NDST1: variants seen among roughly 807,000 people sequenced by gnomAD.
NDST1 encodes the protein N-deacetylase and N-sulfotransferase 1.
In NDST1, 35 loss-of-function variants were observed where a neutral mutation model predicts 92.8. The ratio of observed to expected loss-of-function variants is 0.38; its 90% confidence interval spans 0.29 to 0.50. The LOEUF is 0.50. Ranked by LOEUF, NDST1 falls within the 20% of genes least tolerant of loss-of-function variation. The pLI is 0.94. For missense variants in NDST1, 822 were observed against 1,182.7 expected (o/e 0.69, Z 4.47); for synonymous variants, 493 against 500.3 (o/e 0.99, Z 0.19).
chr5:150,541,918 T>C (rs1755265705), intron 9 of NDST1, among the ~76,000 whole-genome samples: 2 of 151,868 alleles, frequency 1.3e-5, no homozygotes, highest in African/African-American at 4.8e-5. Context: ...ATCCTGGGAG[T>C]CTCCAAGTCC....
intron 3 of NDST1, among the ~76,000 whole-genome samples, chr5:150,529,257 G>A (rs970174601): frequency 6.6e-6 from 1 of 151,806 alleles, no homozygotes; most frequent in Non-Finnish European, 1.5e-5. Flanking sequence ...TGGGTGTGGT[G>A]GTAGTAGTCC....
chr5:150,506,527 AC>A (rs1465699855), upstream of NDST1, among the ~76,000 whole-genome samples: 2 of 151,952 alleles, frequency 1.3e-5, no homozygotes, highest in Non-Finnish European at 2.9e-5. Context: ...ACTGTTCTGG[AC>A]CCCTGCGAGG....
chr5:150,521,471 G>T lies in NDST1; in HGVS notation c.217G>T (p.Val73Leu), dbSNP rs1222065550. ...CAGTCGCCTGCTGCCACTCAAGCCT[G>T]TGCAGGCAGCCACCCCTTCCCGCAC... ...APSRLLPLKPVQAATPSRTDP... is the reference protein window; with the variant it reads ...APSRLLPLKPLQAATPSRTDP... Residue 73 changes from valine (V) to leucine (L), a missense_variant, in exon 2 of 15, where the codon GTG becomes TTG. Transcript: ENST00000261797. This position sits in a 1 kb window ranked among gnomAD's most constrained non-coding sequence, Gnocchi z 5.9. 6.2e-7 allele frequency: 1 copy of T among 1,613,930 alleles called. No individual in the cohort carries two copies. The highest frequency in any genetic ancestry group is 8.5e-7 in the Non-Finnish European group (1 of 1,180,008).
Position 150,542,859 on chromosome 5 carries a change from C to T in NDST1, c.1858C>T (p.Leu620Phe), listed in dbSNP as rs1262198889. 1.9e-6 allele frequency: 3 copies of T among 1,614,160 alleles called. No individual in the cohort carries two copies. The highest frequency in any genetic ancestry group is 2.5e-6 in the Non-Finnish European group (3 of 1,179,988). The stretch of plus-strand genomic sequence containing the variant: ...TACCCTCCCCACAGGCACCACTGCC[C>T]TCTACCTGTTCCTGGGCATGCACCC... The part of the protein sequence containing the change: ...IGPQKTGTTA[L>F]YLFLGMHPDL... The change falls in exon 10 of 15, where the codon CTC (leucine) becomes TTC (phenylalanine). Residue 620 changes from leucine to phenylalanine, a missense_variant. Physicochemically the swap from Leu to Phe is conservative, Grantham distance 22. Coordinates refer to ENST00000261797, the MANE Select transcript of NDST1 (RefSeq NM_001543.5).
At chr5:150,507,628 C>G (rs899754121), upstream of NDST1, 1 of 152,512 alleles carries the variant, frequency 6.6e-6, no homozygotes, top group East Asian at 1.9e-4. Flanking sequence ...GGCCAGGGGC[C>G]AAAAGCCAGC....
In NDST1 at chr5:150,521,232, T is replaced by C. The variant is rs771943958; in HGVS notation, c.-23T>C. Reference sequence around the variant, plus strand: ...TAGCCAGGGCAGGCCGGGCCTCCGGTGGCCAAGGTCTCGGAGGCCAGGATG... The same window carrying C: ...TAGCCAGGGCAGGCCGGGCCTCCGGCGGCCAAGGTCTCGGAGGCCAGGATG... On this transcript the variant is annotated 5_prime_UTR_variant, in exon 2 of 15. Coordinates refer to ENST00000261797, the MANE Select transcript of NDST1 (RefSeq NM_001543.5). The surrounding 1 kb of genome is among the most constrained non-coding windows in gnomAD (Gnocchi z 5.9). 2 of 1,596,460 alleles carry C rather than the reference T, an allele frequency of 1.3e-6. No individual in the cohort carries two copies. Among genetic ancestry groups the C allele is most frequent in the African/African-American group, 2.7e-5 (2 of 74,654 alleles).
chr5:150,551,555 G>A (rs1315818461), intron 13 of NDST1, among the ~76,000 whole-genome samples, 198 bp from the exon 14 acceptor site: 1 of 152,226 alleles, frequency 6.6e-6, no homozygotes, highest in Non-Finnish European at 1.5e-5. Flanking sequence ...CCCTTTGCCG[G>A]AAGTAGGACA....
intron 13 of NDST1, 111 bp from the exon 14 acceptor site, chr5:150,551,642 G>T: frequency 7.3e-7 from 1 of 1,362,776 alleles, no homozygotes. Context: ...GTGGGTTCAA[G>T]AGCAGTAGAT....
chr5:150,500,406 C>T (rs967047039), intron 1 of NDST1, among the ~76,000 whole-genome samples: 2 of 152,246 alleles, frequency 1.3e-5, no homozygotes, highest in Non-Finnish European at 1.5e-5. Flanking sequence ...CCCTTTCTCT[C>T]TCTGGGCTAC....
chr5:150,535,172 C>A, intron 5 of NDST1, 151 bp downstream of exon 5: 2 of 1,308,976 alleles, frequency 1.5e-6, no homozygotes, highest in Non-Finnish European at 2.1e-6. Context: ...GCCTTTATAG[C>A]CACTGTCTCC....
chr5:150,552,166 T>C (rs1056552249), intron 14 of NDST1, among the ~76,000 whole-genome samples: 1 of 152,056 alleles, frequency 6.6e-6, no homozygotes, highest in African/African-American at 2.4e-5. Flanking sequence ...CACCACTAAG[T>C]AGAATACAGG....
At chr5:150,547,745 G>A (rs1055038926) in intron 11 of NDST1, among the ~76,000 whole-genome samples, 2 of 152,194 alleles carry the variant, frequency 1.3e-5, no homozygotes, top group African/African-American at 4.8e-5. Flanking sequence ...CAGTGCAGCA[G>A]CGTGATCTTG....
chr5:150,532,671 C>G (rs1186342500), intron 3 of NDST1, among the ~76,000 whole-genome samples: 2 of 152,158 alleles, frequency 1.3e-5, no homozygotes, highest in African/African-American at 2.4e-5. Context: ...GGATTACAGG[C>G]TCGTGCCACC....
chr5:150,546,759 A>G (rs953016100), intron 11 of NDST1, among the ~76,000 whole-genome samples: 2 of 152,186 alleles, frequency 1.3e-5, no homozygotes, highest in Non-Finnish European at 2.9e-5. Flanking sequence ...CTTTGCTCCC[A>G]TGGAAGTCTC....
chr5:150,542,125 C>T (rs1049019380), intron 9 of NDST1, among the ~76,000 whole-genome samples: 1 of 152,182 alleles, frequency 6.6e-6, no homozygotes, highest in Non-Finnish European at 1.5e-5. Context: ...GACAGAAACT[C>T]AAGGTTCAGA....
At chr5:150,514,457 A>T (rs1370346495) in intron 1 of NDST1, among the ~76,000 whole-genome samples, 1 of 148,846 alleles carries the variant, frequency 6.7e-6, no homozygotes, top group African/African-American at 2.5e-5. Flanking sequence ...GCTACTCGGG[A>T]GGCTGAGGTG....
chr5:150,531,199 A>G (rs148301203), intron 3 of NDST1, among the ~76,000 whole-genome samples: 31 of 152,256 alleles, frequency 2.0e-4, no homozygotes, highest in African/African-American at 6.3e-4. Flanking sequence ...GCAGCTGCCT[A>G]TTCAGGGCTT....
At chr5:150,552,177 CAG>C (rs546137651) in intron 14 of NDST1, among the ~76,000 whole-genome samples, 76 of 152,208 alleles carry the variant, frequency 5.0e-4, no homozygotes, top group Admixed American at 3.6e-3. Flanking sequence ...AGAATACAGG[CAG>C]AGAGTGCTGC....
At chr5:150,516,945 C>A (rs967589755) in intron 1 of NDST1, among the ~76,000 whole-genome samples, 1 of 150,532 alleles carries the variant, frequency 6.6e-6, no homozygotes, top group Non-Finnish European at 1.5e-5. Context: ...GGATGACAGG[C>A]GTGAGCCACC....
Sources: gnomAD v4.1 joint callset for allele counts (sites outside exome capture counted in the v4.1 genomes callset) on GRCh38, gnomAD v4.1.1 for gene constraint, Gnocchi (gnomAD v3.1) non-coding constraint, MANE v1.5 for transcripts, NCBI Gene and HGNC (gene_info 2026-07-23, HGNC 2026-07-21) for gene names.